Variants in STRA6 observed in about 807,000 individuals in gnomAD.
The protein encoded by STRA6 is receptor for retinol uptake STRA6.
In STRA6, 48 loss-of-function variants were observed where a neutral mutation model predicts 83.6. That is an observed-to-expected ratio of 0.57 (90% CI 0.46 to 0.73). The LOEUF (loss-of-function observed/expected upper bound fraction) is 0.73, where lower values mean the gene tolerates loss of function less well. Ranked by LOEUF, STRA6 falls within the 30% of genes least tolerant of loss-of-function variation. The pLI is 0.00. For synonymous variants in STRA6, 353 were observed against 362.3 expected, an observed-to-expected ratio of 0.97 and a Z score of 0.29; for missense variants, 760 against 838.8, an observed-to-expected ratio of 0.91 and a Z score of 1.16.
At chr15:74,194,079 G>A (rs575036647) in intron 7 of STRA6, among the ~76,000 whole-genome samples, 157 bp from the exon 8 acceptor site, 13 of 152,192 alleles carry the variant, frequency 8.5e-5, no homozygotes, top group South Asian at 6.2e-4. Context: ...GCCACCCAGC[G>A]CAAACCTGCC....
At chr15:74,211,978 G>C (rs1381924923), upstream of STRA6, 1 of 152,442 alleles carries the variant, frequency 6.6e-6, no homozygotes, top group Non-Finnish European at 1.5e-5. Flanking sequence ...CCCCAGTCTG[G>C]CTGTGAAGTT....
intron 3 of STRA6, 90 bp downstream of exon 3, chr15:74,197,662 C>G: frequency 6.6e-7 from 1 of 1,525,262 alleles, no homozygotes; most frequent in Non-Finnish European, 8.9e-7. Context: ...CTTCCAGGGC[C>G]CCCCTTCACC....
At position 74,191,230 on chromosome 15, in the gene STRA6, T is replaced by C; in HGVS notation, c.802A>G (p.Lys268Glu). The C allele has an allele frequency of 6.2e-7, 1 of 1,613,820 alleles. No homozygotes were observed. Among genetic ancestry groups the C allele is most frequent in the South Asian group, 1.1e-5 (1 of 91,060 alleles). ...KKLGSSYHTS[K>E]HGFLSWARVC... ...CGGGCCCAGGACAGGAAGCCATGCT[T>C]GGAGGTGTGGTAGCTGCAGAAAGAC... Residue 268 changes from lysine (K) to glutamate (E), a missense_variant, in exon 10 of 19, where the codon AAG becomes GAG. By Grantham distance (56) the Lys-to-Glu change is moderately conservative (BLOSUM62 1). Transcript: ENST00000395105.
chr15:74,199,410 C>CCAT (rs776750355), intron 2 of STRA6, among the ~76,000 whole-genome samples: 24,305 of 152,152 alleles, frequency 0.16, 2,481 homozygotes, highest in Non-Finnish European at 0.23. Flanking sequence ...AGCAGCCACA[C>CCAT]TGACTCCAGT....
chr15:74,186,569 C>T (rs531346625), intron 12 of STRA6, among the ~76,000 whole-genome samples: 28 of 152,210 alleles, frequency 1.8e-4, no homozygotes, highest in Admixed American at 4.6e-4. Flanking sequence ...GATTGTGCCA[C>T]GGCACTCCAC....
At chr15:74,195,499 G>T in intron 6 of STRA6, 31 bp from the exon 7 acceptor site, 1 of 1,609,834 alleles carries the variant, frequency 6.2e-7, no homozygotes, top group African/African-American at 1.3e-5. Flanking sequence ...AGAGACCCAT[G>T]CTGGAGGGGC....
chr15:74,181,230 G>A, intron 17 of STRA6, 65 bp downstream of exon 17: 1 of 1,597,480 alleles, frequency 6.3e-7, no homozygotes, highest in Non-Finnish European at 8.5e-7. Flanking sequence ...CCTGGGGCAG[G>A]GCAGATGCCT....
In STRA6 at chr15:74,195,520, C is replaced by G. The variant is rs772038602; in HGVS notation, c.431-52G>C. ...CCATGCTGGAGGGGCAGACATGGGGCCTGCAGTGAGCCCACCCAGGCCTCT... is the reference window on the plus strand; with the variant it reads ...CCATGCTGGAGGGGCAGACATGGGGGCTGCAGTGAGCCCACCCAGGCCTCT... On this transcript the variant is annotated intron_variant, in intron 6 of 18. Transcript: ENST00000395105. The G allele has an allele frequency of 1.1e-5, 18 of 1,602,090 alleles. No individual in the cohort carries two copies. The South Asian group carries it at 1.4e-4, about 12-fold the overall frequency.
upstream of STRA6, chr15:74,207,782 C>T: frequency 6.5e-7 from 1 of 1,535,702 alleles, no homozygotes; most frequent in Non-Finnish European, 8.7e-7. Context: ...GGGGTGTGCC[C>T]TCAGTGGCAC....
chr15:74,192,284 G>C (rs956802345), intron 8 of STRA6, among the ~76,000 whole-genome samples: 3 of 152,198 alleles, frequency 2.0e-5, no homozygotes. Flanking sequence ...CTCAGGCACT[G>C]TGTCGTCCCG....
upstream of STRA6, among the ~76,000 whole-genome samples, chr15:74,206,526 A>T (rs2074265578): frequency 6.6e-6 from 1 of 152,222 alleles, no homozygotes; most frequent in Admixed American, 6.5e-5. Context: ...AGCAGAGTCA[A>T]GGGCCTGCCC....
rs1249326220 is a variant in STRA6 at position 74,182,271 on chromosome 15, G to T, written c.1419-9C>A. 4 of 1,614,086 alleles carry T rather than the reference G, an allele frequency of 2.5e-6. No individual in the cohort carries two copies. Among genetic ancestry groups the T allele is most frequent in the Non-Finnish European group, 3.4e-6 (4 of 1,179,954 alleles). On this transcript the variant is annotated splice_polypyrimidine_tract_variant and intron_variant, in intron 15 of 18. Transcript: ENST00000395105. ...AAGTCAGCCAGAAGGGCCTGCCAGTGGGGTGGGGAGGTGGTCGCTGTTAGC... is the reference window on the plus strand; with the variant it reads ...AAGTCAGCCAGAAGGGCCTGCCAGTTGGGTGGGGAGGTGGTCGCTGTTAGC...
At chr15:74,196,301 T>C in intron 4 of STRA6, 154 bp from the exon 5 acceptor site, 3 of 1,222,280 alleles carry the variant, frequency 2.5e-6, no homozygotes, top group East Asian at 2.6e-5. Context: ...CCATAGATAT[T>C]TGTGGAGTGC....
At chr15:74,198,804 C>T (rs117633166) in intron 2 of STRA6, among the ~76,000 whole-genome samples, 2,124 of 152,334 alleles carry the variant, frequency 0.014, 21 homozygotes, top group South Asian at 0.024. Context: ...CAGAGGCTCC[C>T]TATGGCCTGG....
At chr15:74,198,072 G>A (rs2073902576) in intron 2 of STRA6, among the ~76,000 whole-genome samples, 1 of 151,972 alleles carries the variant, frequency 6.6e-6, no homozygotes. Context: ...CCCAGGGGAA[G>A]CAGAGTAGAC....
In STRA6 at chr15:74,191,425, T is replaced by G; in HGVS notation, c.787A>C (p.Ser263Arg). ...NLLCRKKLGS[S>R]YHTSKHGFLS... ...CAAAGGGTGTGTCAGAGACCCCACC[T>G]GCTTCCCAGCTTCTTCCTGCAAAGG... The change falls in exon 9 of 19, where the codon AGC becomes CGC. Residue 263 changes from serine (S) to arginine (R), a missense_variant and splice_region_variant. By Grantham distance (110) the Ser-to-Arg change is moderately radical. Transcript: ENST00000395105. 1 of 1,614,176 alleles carries G rather than the reference T, an allele frequency of 6.2e-7. No homozygotes were observed. Among genetic ancestry groups the G allele is most frequent in the Non-Finnish European group, 8.5e-7 (1 of 1,179,992 alleles).
Position 74,189,106 on chromosome 15 carries a change from A to G in STRA6, c.1090+9T>C, listed in dbSNP as rs1451907463. 1 of 1,613,908 alleles carries G rather than the reference A, an allele frequency of 6.2e-7. No homozygotes were observed. Among genetic ancestry groups the G allele is most frequent in the Admixed American group, 1.7e-5 (1 of 60,014 alleles). ...ACTGCAGCCCTCAGGGGCTCCCTGGAGGCCTCACCTTCCAGAGCCCACAGA... is the reference window on the plus strand; with the variant it reads ...ACTGCAGCCCTCAGGGGCTCCCTGGGGGCCTCACCTTCCAGAGCCCACAGA... On this transcript the variant is annotated intron_variant, in intron 12 of 18. Transcript: ENST00000395105.
chr15:74,188,643 A>C lies in STRA6; in HGVS notation c.1090+472T>G, dbSNP rs907316001. On this transcript the variant is annotated intron_variant, in intron 12 of 18. Coordinates refer to ENST00000395105, the MANE Select transcript of STRA6 (RefSeq NM_022369.4). The surrounding 1 kb of genome is among the most constrained non-coding windows in gnomAD (Gnocchi z 4.5). ...AGATGGTTCCCTGGTTCAGGAGCTC[A>C]TTGTCAGAGGAGGGAAGGAGAAAGG... Among the ~76,000 whole-genome samples, 7 of 152,148 alleles carry C rather than the reference A, an allele frequency of 4.6e-5. No individual in the cohort carries two copies. Among genetic ancestry groups the C allele is most frequent in the African/African-American group, 1.7e-4 (7 of 41,450 alleles).
rs751183852 is a variant in STRA6, at chr15:74,191,407, T to A, written c.788+17A>T. The A allele has an allele frequency of 1.2e-6, 2 of 1,613,722 alleles. No homozygotes were observed. The highest frequency in any genetic ancestry group is 3.3e-5 in the Admixed American group (2 of 60,016). ...GCCCAATCCATTGGCCCACAAAGGG[T>A]GTGTCAGAGACCCCACCTGCTTCCC... On this transcript the variant is annotated intron_variant, in intron 9 of 18. Transcript: ENST00000395105.
Sources: allele counts gnomAD v4.1 joint callset (sites outside exome capture counted in the v4.1 genomes callset), GRCh38; gene constraint gnomAD v4.1.1; non-coding constraint Gnocchi (gnomAD v3.1); transcripts MANE v1.5; gene names NCBI Gene and HGNC (gene_info 2026-07-23, HGNC 2026-07-21).